Variants in STK4 observed in about 807,000 individuals in gnomAD.
The protein encoded by STK4 is serine/threonine kinase 4, also known as serine/threonine-protein kinase 4.
STK4 carries 30 observed loss-of-function variants against 64.9 expected under a neutral mutation model. The observed-to-expected ratio is 0.46, with a 90% CI of 0.35 to 0.63. STK4 has a LOEUF of 0.63. STK4 is among the 20% of genes least tolerant of loss of function. The pLI is 0.01. For synonymous variants in STK4, 177 were observed against 199.0 expected (o/e 0.89, Z 0.93); for missense variants, 466 against 598.5 (o/e 0.78, Z 2.31).
chr20:45,038,559 C>G (rs913780090), intron 10 of STK4, among the ~76,000 whole-genome samples: 7 of 151,896 alleles, frequency 4.6e-5, no homozygotes, highest in Non-Finnish European at 8.8e-5. Flanking sequence ...TTGGAGAAAC[C>G]CAGTTGTTAT....
chr20:45,011,727 A>AT (rs1215314894), intron 9 of STK4, among the ~76,000 whole-genome samples: 9 of 107,350 alleles, frequency 8.4e-5, no homozygotes, highest in African/African-American at 3.4e-4. Context: ...ATATATATAT[A>AT]TATTTTTTTT....
Position 45,076,077 on chromosome 20 carries a change from A to T in STK4, c.*901A>T, listed in dbSNP as rs1430275202. The T allele has an allele frequency of 6.6e-6, 1 of 152,656 alleles. No homozygotes were observed. Among genetic ancestry groups the T allele is most frequent in the East Asian group, 1.9e-4 (1 of 5,192 alleles). 9.5% of individuals were successfully genotyped at this position (152,656 alleles called of 1,614,324 possible). ...TTTGAAGCTCTCATTGTTCATGTAA[A>T]AATCATACACGTGGCATGTTGCTCC... is the stretch of plus-strand genomic sequence containing the variant. On this transcript the variant is annotated 3_prime_UTR_variant, in exon 11 of 11. Coordinates refer to ENST00000372806, the MANE Select transcript of STK4 (RefSeq NM_006282.5). This position sits in a 1 kb window ranked among gnomAD's most constrained non-coding sequence, Gnocchi z 4.0.
At chr20:45,011,597 T>G (rs561614448) in intron 9 of STK4, among the ~76,000 whole-genome samples, 2 of 151,488 alleles carry the variant, frequency 1.3e-5, no homozygotes, top group South Asian at 4.2e-4. Context: ...TGCATATAGT[T>G]TTTAAACTGT....
chr20:44,977,124 T>C (rs933981222), intron 2 of STK4, among the ~76,000 whole-genome samples: 2 of 152,118 alleles, frequency 1.3e-5, no homozygotes, highest in Non-Finnish European at 2.9e-5. Context: ...TGTAACAAAT[T>C]AGGAAGTTAT....
chr20:45,020,491 TA>T, intron 9 of STK4, among the ~76,000 whole-genome samples: 1 of 151,074 alleles, frequency 6.6e-6, no homozygotes, highest in Non-Finnish European at 1.5e-5. Context: ...TGTTTATGTT[TA>T]TGTTTATGTG....
chr20:45,026,035 TG>T (rs1162716211), intron 10 of STK4, among the ~76,000 whole-genome samples: 1 of 152,114 alleles, frequency 6.6e-6, no homozygotes, highest in Non-Finnish European at 1.5e-5. Flanking sequence ...ATAACTCATC[TG>T]AGGTAAATTA....
At chr20:44,989,654 C>T (rs2067597668) in intron 5 of STK4, among the ~76,000 whole-genome samples, 1 of 152,064 alleles carries the variant, frequency 6.6e-6, no homozygotes, top group Admixed American at 6.5e-5. Context: ...TCTAAGAAAT[C>T]ATTAGCTAAT....
At chr20:45,029,172 C>T (rs1194560402) in intron 10 of STK4, among the ~76,000 whole-genome samples, 2 of 152,160 alleles carry the variant, frequency 1.3e-5, no homozygotes, top group Non-Finnish European at 2.9e-5. Context: ...AAAGATCTGG[C>T]TACAGTAGAC....
chr20:45,035,540 T>G (rs1315739073), intron 10 of STK4, among the ~76,000 whole-genome samples: 1 of 152,176 alleles, frequency 6.6e-6, no homozygotes, highest in Non-Finnish European at 1.5e-5. Context: ...TTCTTATGAC[T>G]TCTTCTATAA....
chr20:44,966,759 G>T (rs981108515), intron 1 of STK4, among the ~76,000 whole-genome samples, 156 bp downstream of exon 1: 2 of 152,200 alleles, frequency 1.3e-5, no homozygotes, highest in African/African-American at 4.8e-5. Context: ...GGTGGGTGAG[G>T]GTCCGGCTGA....
intron 9 of STK4, among the ~76,000 whole-genome samples, chr20:45,014,716 G>A (rs1034776169): frequency 3.9e-5 from 6 of 152,140 alleles, no homozygotes; most frequent in South Asian, 4.1e-4. Context: ...TTTGACATGC[G>A]GCGGTTCTTC....
At chr20:45,013,792 A>T (rs1274334258) in intron 9 of STK4, among the ~76,000 whole-genome samples, 1 of 152,040 alleles carries the variant, frequency 6.6e-6, no homozygotes, top group African/African-American at 2.4e-5. Context: ...AATTTTTGAT[A>T]CTTGATCTTT....
At chr20:45,031,637 C>T (rs1290074415) in intron 10 of STK4, among the ~76,000 whole-genome samples, 2 of 152,164 alleles carry the variant, frequency 1.3e-5, no homozygotes, top group African/African-American at 4.8e-5. Context: ...CATGGTGGCT[C>T]ATGCCTGTAA....
chr20:45,074,765 T>C (rs747879841), intron 10 of STK4, among the ~76,000 whole-genome samples: 3 of 152,188 alleles, frequency 2.0e-5, no homozygotes, highest in Non-Finnish European at 4.4e-5. Flanking sequence ...AAGTTCTTGG[T>C]CAAGGCACAT....
rs2067817782 is a variant in STK4 at position 45,000,513 on chromosome 20, A to G, written c.953A>G (p.Glu318Gly). The G allele has an allele frequency of 6.2e-7, 1 of 1,613,900 alleles. No homozygotes were observed. Among genetic ancestry groups the G allele is most frequent in the South Asian group, 1.1e-5 (1 of 91,090 alleles). Residue 318 changes from glutamate to glycine, a missense_variant, in exon 8 of 11, where the codon GAA becomes GGA. Physicochemically the swap from Glu to Gly is moderately conservative, Grantham distance 98 (BLOSUM62 -2). Around this residue, in one of 2 missense-constraint regions of STK4, gnomAD observed 276 missense variants for 308.9 expected, o/e 0.89. Transcript: ENST00000372806. ...QQREVDQDDE[E>G]NSEEDEMDSG... Reference sequence around the variant, plus strand: ...CGGGAAGTGGACCAGGACGATGAAGAAAACTCAGTGAGTGGCAGCCGTTGC... The same window carrying G: ...CGGGAAGTGGACCAGGACGATGAAGGAAACTCAGTGAGTGGCAGCCGTTGC...
At chr20:45,025,174 T>C in intron 10 of STK4, 44 bp downstream of exon 10, 1 of 1,569,196 alleles carries the variant, frequency 6.4e-7, no homozygotes, top group Non-Finnish European at 8.6e-7. Flanking sequence ...CAGGGGAAGT[T>C]ATTTGAAATA....
intron 10 of STK4, among the ~76,000 whole-genome samples, chr20:45,046,082 T>C (rs1600530760): frequency 6.6e-6 from 1 of 152,052 alleles, no homozygotes; most frequent in African/African-American, 2.4e-5. Context: ...GCTGGGATTA[T>C]AGGCCTGAGC....
At chr20:45,051,331 G>A (rs951984169) in intron 10 of STK4, among the ~76,000 whole-genome samples, 1 of 152,192 alleles carries the variant, frequency 6.6e-6, no homozygotes, top group Non-Finnish European at 1.5e-5. Flanking sequence ...TTGGCATCAA[G>A]TACAATGCTT....
intron 9 of STK4, among the ~76,000 whole-genome samples, chr20:45,011,427 T>A (rs562540122): frequency 3.9e-5 from 6 of 152,046 alleles, no homozygotes; most frequent in South Asian, 2.1e-4. Context: ...TAGGGCAATG[T>A]CTTTATTTTA....
Sources: allele counts gnomAD v4.1 joint callset (sites outside exome capture counted in the v4.1 genomes callset), GRCh38; gene constraint gnomAD v4.1.1; regional missense constraint gnomAD v4.1.1; non-coding constraint Gnocchi (gnomAD v3.1); transcripts MANE v1.5; gene names NCBI Gene and HGNC (gene_info 2026-07-23, HGNC 2026-07-21).